Variants in KIF23 observed in about 807,000 individuals in gnomAD.
KIF23 encodes the protein kinesin-like protein KIF23.
In KIF23, 30 loss-of-function variants were observed where a neutral mutation model predicts 137.5. That is an observed-to-expected ratio of 0.22 (90% CI 0.16 to 0.30). The LOEUF (loss-of-function observed/expected upper bound fraction) is 0.30, where lower values mean the gene tolerates loss of function less well. Among genes scored for constraint, KIF23 ranks in the 10% least tolerant of loss-of-function variants. The pLI is 1.00. For synonymous variants in KIF23, 367 were observed against 391.1 expected (o/e 0.94, Z 0.73); for missense variants, 920 against 1,194.3 (o/e 0.77, Z 3.38).
chr15:69,440,845 C>T lies in KIF23; in HGVS notation c.2187C>T (p.Asn729=), dbSNP rs570324247. ...AGCCACAGCTACATAGGCGCTCTAA[C>T]TCTTGCAGCAGCATTTCTGTAGCTT... is the stretch of plus-strand genomic sequence containing the variant. ...MSQPQLHRRS[N]SCSSISVASC... The change falls in exon 19 of 24, where the codon AAC becomes AAT. Residue 729 remains asparagine (N), a synonymous_variant. Transcript: ENST00000679126. 10 of 1,614,038 alleles carry T rather than the reference C, an allele frequency of 6.2e-6. No individual in the cohort carries two copies. The South Asian group carries it at 1.1e-4, about 18-fold the overall frequency.
chr15:69,422,722 T>C (rs2057089608), intron 6 of KIF23, among the ~76,000 whole-genome samples: 1 of 152,146 alleles, frequency 6.6e-6, no homozygotes, highest in Admixed American at 6.5e-5. Flanking sequence ...AAACCATGAG[T>C]ATGAATAAAG....
At chr15:69,434,760 GC>G in intron 11 of KIF23, 1 of 1,174,582 alleles carries the variant, frequency 8.5e-7, no homozygotes, top group Non-Finnish European at 1.3e-6. Context: ...TGGGCAGGAG[GC>G]CATAAAGCTC....
intron 11 of KIF23, chr15:69,435,050 C>G (rs1056508284): frequency 1.7e-5 from 9 of 531,978 alleles, no homozygotes; most frequent in African/African-American, 5.7e-5. Context: ...CCCATAGTTC[C>G]TCCCCACACA....
intron 16 of KIF23, 87 bp downstream of exon 16, chr15:69,438,492 A>C: frequency 7.9e-7 from 1 of 1,267,110 alleles, no homozygotes; most frequent in Non-Finnish European, 1.1e-6. Flanking sequence ...AACGGCCTGT[A>C]AATGCTGCTT....
intron 1 of KIF23, chr15:69,414,757 G>A (rs2056850798): frequency 2.7e-6 from 1 of 368,694 alleles, no homozygotes; most frequent in Admixed American, 4.7e-5. Flanking sequence ...GTTTTACGCC[G>A]CACCCGGTTC....
At chr15:69,434,060 A>C (rs1028139786) in intron 11 of KIF23, among the ~76,000 whole-genome samples, 7 of 152,216 alleles carry the variant, frequency 4.6e-5, no homozygotes, top group African/African-American at 1.7e-4. Flanking sequence ...TATTTTTACA[A>C]ATGCTTCCTG....
chr15:69,422,238 G>A, intron 5 of KIF23, 88 bp from the exon 6 acceptor site: 1 of 1,450,120 alleles, frequency 6.9e-7, no homozygotes, highest in East Asian at 2.3e-5. Flanking sequence ...AACCTTAACT[G>A]TTCCTTAGTT....
chr15:69,428,310 A>G (rs1425492083), intron 10 of KIF23, among the ~76,000 whole-genome samples: 1 of 151,832 alleles, frequency 6.6e-6, no homozygotes, highest in Non-Finnish European at 1.5e-5. Flanking sequence ...CCATTGAATC[A>G]CATCTAATAT....
At chr15:69,436,328 A>G in intron 14 of KIF23, 67 bp downstream of exon 14, 2 of 1,535,718 alleles carry the variant, frequency 1.3e-6, no homozygotes, top group East Asian at 2.3e-5. Flanking sequence ...TTTAAAAAAA[A>G]TTATTTCATT....
In KIF23 at chr15:69,426,358, T is replaced by C; in HGVS notation, c.912T>C (p.Ala304=). 6.2e-7 allele frequency: 1 copy of C among 1,614,204 alleles called. No individual in the cohort carries two copies. The highest frequency in any genetic ancestry group is 8.5e-7 in the Non-Finnish European group (1 of 1,180,030). Residue 304 remains alanine, a synonymous_variant, in exon 10 of 24, where the codon GCT becomes GCC. Coordinates refer to ENST00000679126, the MANE Select transcript of KIF23 (RefSeq NM_001367805.3). ...TAGGCCAGAAAAAGAGACGTATTGC[T>C]AATACCCATTTGAATCGTGAGTCCA... is the stretch of plus-strand genomic sequence containing the variant. ...FWRGQKKRRI[A]NTHLNRESSR... is the part of the protein sequence containing the mutation.
intron 3 of KIF23, among the ~76,000 whole-genome samples, chr15:69,421,047 T>A (rs2057039744): frequency 6.6e-6 from 1 of 152,234 alleles, no homozygotes; most frequent in South Asian, 2.1e-4. Flanking sequence ...CTCTGTCACT[T>A]AATTAAAACA....
chr15:69,428,769 ACT>A (rs1317611802), intron 10 of KIF23, among the ~76,000 whole-genome samples: 4 of 151,634 alleles, frequency 2.6e-5, no homozygotes, highest in African/African-American at 9.7e-5. Flanking sequence ...CCTGTTCTAG[ACT>A]CTTATTCAGC....
intron 6 of KIF23, 87 bp downstream of exon 6, chr15:69,422,522 TTAAA>T (rs2057083932): frequency 1.3e-6 from 1 of 747,930 alleles, no homozygotes; most frequent in Non-Finnish European, 2.3e-6. Flanking sequence ...ATGGTGAACA[TTAAA>T]TAGAGAAGTT....
Position 69,414,367 on chromosome 15 carries a change from G to T in KIF23, c.-99G>T, listed in dbSNP as rs1331326853. The T allele has an allele frequency of 1.0e-5, 15 of 1,506,654 alleles. No homozygotes were observed. The highest frequency in any genetic ancestry group is 2.5e-5 in the South Asian group (2 of 81,178). 93.3% of individuals were successfully genotyped at this position (1,506,654 alleles called of 1,614,324 possible). A position where few individuals can be genotyped will look rare whatever the true frequency, so the allele number is the denominator to read the frequency against. On this transcript the variant is annotated 5_prime_UTR_variant, in exon 1 of 24. Transcript: ENST00000679126. ...CGGCTTCGCAGAGCACCGCGCCTTA[G>T]CCGCGAAGTTCTAGTTCTTGCTGCC... is the stretch of plus-strand genomic sequence containing the variant.
intron 23 of KIF23, 81 bp downstream of exon 23, chr15:69,447,022 C>T (rs1202183016): frequency 1.6e-6 from 2 of 1,241,530 alleles, no homozygotes; most frequent in African/African-American, 3.0e-5. Flanking sequence ...TTCTACCAGC[C>T]ATCCACTTAT....
chr15:69,443,014 A>C lies in KIF23; in HGVS notation c.2422-1776A>C, dbSNP rs528349287. On this transcript the variant is annotated intron_variant, in intron 19 of 23. Transcript: ENST00000679126. The stretch of plus-strand genomic sequence containing the variant: ...TCATATGCTTATTGTTAAATGTTTG[A>C]AGAAAACCTTTGTTTTTGCTAAATG... Among the ~76,000 whole-genome samples, 4 of 152,318 alleles carry C rather than the reference A, an allele frequency of 2.6e-5. No individual in the cohort carries two copies. In the South Asian group the frequency reaches 8.3e-4, roughly 32 times the overall value.
rs112067329 is a variant in KIF23, at chr15:69,423,216, A to C, written c.621A>C (p.Ala207=). ...TAACTGTACAAGAATTCTGCAAAGC[A>C]GAAGAGGTTGATGAAGATAGTGTCT... ...DMITVQEFCK[A]EEVDEDSVYG... is the part of the protein sequence containing the mutation. The change falls in exon 7 of 24, where the codon GCA becomes GCC. Residue 207 remains alanine, a synonymous_variant. Coordinates refer to ENST00000679126, the MANE Select transcript of KIF23 (RefSeq NM_001367805.3). 7 of 1,603,484 alleles carry C rather than the reference A, an allele frequency of 4.4e-6. No homozygotes were observed. In the African/African-American group the frequency reaches 6.7e-5, roughly 15 times the overall value.
At chr15:69,423,410 T>C in intron 7 of KIF23, 81 bp downstream of exon 7, 1 of 861,056 alleles carries the variant, frequency 1.2e-6, no homozygotes, top group Non-Finnish European at 1.7e-6. Flanking sequence ...TTTCTTCAGT[T>C]ATGAAAGAGA....
chr15:69,422,205 C>T, intron 5 of KIF23, 77 bp downstream of exon 5: 1 of 1,517,584 alleles, frequency 6.6e-7, no homozygotes, highest in South Asian at 1.2e-5. Context: ...TAAAGAAGAA[C>T]CAAAGCACTG....
Sources: gnomAD v4.1 joint callset for allele counts (sites outside exome capture counted in the v4.1 genomes callset) on GRCh38, gnomAD v4.1.1 for gene constraint, MANE v1.5 for transcripts, NCBI Gene and HGNC (gene_info 2026-07-23, HGNC 2026-07-21) for gene names.